LARGE1: variants seen among roughly 807,000 people sequenced by gnomAD.
The protein encoded by LARGE1 is LARGE xylosyl- and glucuronyltransferase 1, also known as xylosyl- and glucuronyltransferase LARGE1.
Under a neutral mutation model 87.6 loss-of-function variants are expected in LARGE1, and 43 were observed. The observed-to-expected ratio is 0.49, with a 90% confidence interval of 0.38 to 0.63. The LOEUF (loss-of-function observed/expected upper bound fraction) is 0.63, where lower values mean the gene tolerates loss of function less well. Ranked by LOEUF, LARGE1 falls within the 30% of genes least tolerant of loss-of-function variation. LARGE1 has a pLI of 0.00. For synonymous variants in LARGE1, 434 were observed against 394.6 expected, an observed-to-expected ratio of 1.10 and a Z score of -1.18; for missense variants, 802 against 1,000.2, an observed-to-expected ratio of 0.80 and a Z score of 2.67.
At chr22:33,596,511 A>G (rs1369158366) in intron 5 of LARGE1, among the ~76,000 whole-genome samples, 1 of 152,190 alleles carries the variant, frequency 6.6e-6, no homozygotes, top group Admixed American at 6.5e-5. Context: ...GAAAGTGGTA[A>G]TTTTTCCAGA....
intron 1 of LARGE1, among the ~76,000 whole-genome samples, chr22:33,780,285 C>T (rs2085377610): frequency 6.6e-6 from 1 of 152,232 alleles, no homozygotes; most frequent in South Asian, 2.1e-4. Context: ...AGGCTTGGAA[C>T]TTCAACATAT....
Position 33,475,651 on chromosome 22 carries a change from CG to C in LARGE1, c.788-43387del, listed in dbSNP as rs541093732. Among the ~76,000 whole-genome samples the C allele has an allele frequency of 4.2e-4, 64 of 151,794 alleles. 3 individuals carry two copies. In the South Asian group the frequency reaches 0.013, roughly 31 times the overall value. On this transcript the variant is annotated intron_variant, in intron 6 of 14. Transcript: ENST00000397394. ...TAATTTTTTGTATTTTTAGTAGAGA[CG>C]GGGTTTCTCCAAGTCGGTCAGAGTG...
At chr22:33,915,012 AAC>A (rs71320998) in intron 1 of LARGE1, among the ~76,000 whole-genome samples, 5,849 of 138,972 alleles carry the variant, frequency 0.042, 366 homozygotes, top group African/African-American at 0.14. Flanking sequence ...TACAAACACA[AAC>A]ACACACACAC....
intron 6 of LARGE1, among the ~76,000 whole-genome samples, chr22:33,479,783 C>T (rs1235985771): frequency 2.8e-5 from 4 of 145,188 alleles, no homozygotes; most frequent in South Asian, 2.2e-4. Context: ...CTCACTTTGT[C>T]GCCCAGGCTG....
intron 1 of LARGE1, among the ~76,000 whole-genome samples, chr22:33,810,035 A>G (rs1216332332): frequency 2.0e-5 from 3 of 152,230 alleles, no homozygotes; most frequent in Non-Finnish European, 4.4e-5. Flanking sequence ...GCACAGAAAA[A>G]AAACTACAGT....
intron 1 of LARGE1, among the ~76,000 whole-genome samples, chr22:33,892,453 T>C (rs1478401761): frequency 6.6e-6 from 1 of 152,190 alleles, no homozygotes; most frequent in Non-Finnish European, 1.5e-5. Flanking sequence ...CACCTCATAC[T>C]TCAGGCCAAA....
At chr22:33,916,695 A>C (rs1308695352) in intron 1 of LARGE1, among the ~76,000 whole-genome samples, 2 of 152,132 alleles carry the variant, frequency 1.3e-5, no homozygotes, top group Non-Finnish European at 1.5e-5. Context: ...CCTTTCTGAG[A>C]ATCTCTAGCC....
chr22:33,197,158 A>G (rs1195700322), intron 11 of LARGE1, among the ~76,000 whole-genome samples: 1 of 151,848 alleles, frequency 6.6e-6, no homozygotes, highest in Non-Finnish European at 1.5e-5. Context: ...CTATTAAAGA[A>G]GAGCTACAAA....
At chr22:33,795,961 C>T (rs942145998) in intron 1 of LARGE1, among the ~76,000 whole-genome samples, 5 of 149,474 alleles carry the variant, frequency 3.3e-5, no homozygotes, top group Admixed American at 3.3e-4. Context: ...AACAAACCTG[C>T]ATATTGTGCA....
At chr22:33,162,160 A>T (rs544399864), downstream of LARGE1, 1 of 152,336 alleles carries the variant, frequency 6.6e-6, no homozygotes, top group East Asian at 1.9e-4. Flanking sequence ...CATTATAATG[A>T]GATAATACCA....
chr22:33,831,069 C>T (rs937071296), intron 1 of LARGE1, among the ~76,000 whole-genome samples: 3 of 151,886 alleles, frequency 2.0e-5, no homozygotes, highest in Admixed American at 1.3e-4. Flanking sequence ...ATACTGCTCA[C>T]ATATTAGCAG....
At chr22:33,611,227 A>G (rs1383738858) in intron 4 of LARGE1, among the ~76,000 whole-genome samples, 1 of 126,774 alleles carries the variant, frequency 7.9e-6, no homozygotes, top group Non-Finnish European at 1.6e-5. Flanking sequence ...CTAGAATGGT[A>G]GATCCACTGG....
At chr22:33,503,110 G>C (rs1337398039) in intron 6 of LARGE1, among the ~76,000 whole-genome samples, 2 of 152,160 alleles carry the variant, frequency 1.3e-5, no homozygotes, top group Non-Finnish European at 2.9e-5. Flanking sequence ...ATGAGTTGCT[G>C]AACTAGAATA....
the LARGE1 span, among the ~76,000 whole-genome samples, chr22:33,113,507 G>A: frequency 2.0e-5 from 3 of 152,234 alleles, no homozygotes; most frequent in South Asian, 2.1e-4. Context: ...GCACCCAGCC[G>A]TCATTTAATT....
chr22:33,577,627 G>A (rs746716418), intron 5 of LARGE1, among the ~76,000 whole-genome samples: 1 of 152,182 alleles, frequency 6.6e-6, no homozygotes, highest in Non-Finnish European at 1.5e-5. Flanking sequence ...GCCCCACACT[G>A]CTCTACATTA....
intron 2 of LARGE1, among the ~76,000 whole-genome samples, chr22:33,757,976 T>C (rs573127119): frequency 6.6e-6 from 1 of 152,252 alleles, no homozygotes; most frequent in East Asian, 1.9e-4. Flanking sequence ...ATGGGTCACC[T>C]TGCGTAACTG....
At chr22:33,198,447 G>T (rs186275917) in intron 11 of LARGE1, among the ~76,000 whole-genome samples, 252 of 151,966 alleles carry the variant, frequency 1.7e-3, no homozygotes, top group Middle Eastern at 0.01. Context: ...GATATTTAGG[G>T]GGCACAAGTA....
At chr22:33,398,553 T>C (rs1175486715) in intron 7 of LARGE1, among the ~76,000 whole-genome samples, 4 of 152,236 alleles carry the variant, frequency 2.6e-5, no homozygotes, top group African/African-American at 9.6e-5. Flanking sequence ...TAGTTCCTTT[T>C]AACCACAGAG....
At chr22:33,644,284 T>G (rs113699440) in intron 3 of LARGE1, among the ~76,000 whole-genome samples, 1 of 152,190 alleles carries the variant, frequency 6.6e-6, no homozygotes, top group Non-Finnish European at 1.5e-5. Context: ...TGTAATCCAT[T>G]ACATAAACAG....
Sources: gnomAD v4.1 joint callset for allele counts (sites outside exome capture counted in the v4.1 genomes callset) on GRCh38, gnomAD v4.1.1 for gene constraint, MANE v1.5 for transcripts, NCBI Gene and HGNC (gene_info 2026-07-23, HGNC 2026-07-21) for gene names.